LIN54: variants seen among roughly 807,000 people sequenced by gnomAD.
LIN54 encodes the protein lin-54 DREAM MuvB core complex component.
LIN54 carries 9 observed loss-of-function variants against 78.7 expected under a neutral mutation model. That is an observed-to-expected ratio of 0.11 (90% CI 0.07 to 0.20). The LOEUF is 0.20. LIN54 is among the 10% of genes least tolerant of loss of function. The probability of loss-of-function intolerance (pLI) is 1.00; values close to 1 mark genes in which losing one functional copy is unlikely to be tolerated. For missense variants in LIN54, 573 were observed against 889.9 expected, an observed-to-expected ratio of 0.64 and a Z score of 4.53; for synonymous variants, 269 against 318.4, an observed-to-expected ratio of 0.84 and a Z score of 1.65.
chr4:83,005,688 T>G (rs1010063010), intron 1 of LIN54, among the ~76,000 whole-genome samples: 2 of 151,390 alleles, frequency 1.3e-5, no homozygotes, highest in African/African-American at 4.9e-5. Flanking sequence ...ACGTATACAC[T>G]GTTGGTGAAA....
intron 4 of LIN54, among the ~76,000 whole-genome samples, chr4:82,969,822 A>G (rs6535419): frequency 0.36 from 54,206 of 152,140 alleles, 11,521 homozygotes; most frequent in African/African-American, 0.59. Context: ...ACAATAAAAT[A>G]AGAAAGCATT....
At chr4:82,955,604 T>G (rs1468985806) in intron 4 of LIN54, among the ~76,000 whole-genome samples, 1 of 151,966 alleles carries the variant, frequency 6.6e-6, no homozygotes, top group East Asian at 1.9e-4. Flanking sequence ...TGGGGAAATG[T>G]GAACACTAAC....
At chr4:82,973,225 T>G (rs1725832854) in intron 3 of LIN54, among the ~76,000 whole-genome samples, 2 of 152,196 alleles carry the variant, frequency 1.3e-5, no homozygotes, top group African/African-American at 4.8e-5. Context: ...TCTGAAAATT[T>G]GGACGACAGC....
intron 1 of LIN54, among the ~76,000 whole-genome samples, chr4:83,005,258 C>T (rs1440596825): frequency 6.6e-6 from 1 of 152,036 alleles, no homozygotes; most frequent in Non-Finnish European, 1.5e-5. Context: ...AAGTAAATAT[C>T]TTAATAAAAT....
chr4:82,970,683 T>C (rs1725571296), intron 3 of LIN54, among the ~76,000 whole-genome samples: 1 of 152,202 alleles, frequency 6.6e-6, no homozygotes, highest in Non-Finnish European at 1.5e-5. Flanking sequence ...CATTAAACTC[T>C]ACAAAAACAG....
intron 11 of LIN54, among the ~76,000 whole-genome samples, chr4:82,933,828 T>C (rs1722166845): frequency 6.6e-6 from 1 of 152,238 alleles, no homozygotes; most frequent in Non-Finnish European, 1.5e-5. Flanking sequence ...CCAGTTCAAT[T>C]AAATGGTTAG....
chr4:82,970,587 C>T (rs1725562806), intron 3 of LIN54, 118 bp from the exon 4 acceptor site: 3 of 920,362 alleles, frequency 3.3e-6, no homozygotes, highest in Non-Finnish European at 4.9e-6. Context: ...TTCATGTCAA[C>T]ACTTAATGAG....
rs538588775 is a variant in LIN54 at position 82,981,961 on chromosome 4, G to A, written c.684+2200C>T. Among the ~76,000 whole-genome samples, 13 of 152,182 alleles carry A rather than the reference G, an allele frequency of 8.5e-5. No homozygotes were observed. The South Asian group carries it at 2.7e-3, about 32-fold the overall frequency. On this transcript the variant is annotated intron_variant, in intron 2 of 12. Coordinates refer to ENST00000340417, the MANE Select transcript of LIN54 (RefSeq NM_194282.4). ...ACGTGGGAGGAGCATTTGAGCTTGG[G>A]GGGTCAAGGCTGCAGTGGAGCACCC... is the stretch of plus-strand genomic sequence containing the variant.
chr4:82,999,777 C>CA (rs1295987591), intron 1 of LIN54, among the ~76,000 whole-genome samples: 19,492 of 92,120 alleles, frequency 0.21, 2,864 homozygotes, highest in South Asian at 0.37. Context: ...GACTCTGTCT[C>CA]AAAAAAAAAA....
rs144187868 is a variant in LIN54 at position 82,987,394 on chromosome 4, A to G, written c.-32-2518T>C. Among the ~76,000 whole-genome samples the G allele has an allele frequency of 1.3e-4, 20 of 152,308 alleles. No homozygotes were observed. In the East Asian group the frequency reaches 3.7e-3, roughly 28 times the overall value. ...TTTAAAACAGGGAAAAAATAAGTCT[A>G]CTTTTCTAAGAAAAAAACAAAAAAC... On this transcript the variant is annotated intron_variant, in intron 1 of 12. Coordinates refer to ENST00000340417, the MANE Select transcript of LIN54 (RefSeq NM_194282.4).
At position 82,926,647 on chromosome 4, in the gene LIN54, A is replaced by G. The variant is rs1052223712; in HGVS notation, c.*1455T>C. On this transcript the variant is annotated 3_prime_UTR_variant, in exon 13 of 13. Transcript: ENST00000340417. ...CCTGTCACAACAGGCTCTTAAATTC[A>G]TAGAGTTTTTGAATACTGAAAATGA... 2.6e-5 allele frequency: 4 copies of G among 152,198 alleles called. No individual in the cohort carries two copies. Among genetic ancestry groups the G allele is most frequent in the South Asian group, 2.1e-4 (1 of 4,836 alleles). The allele number at this position is 152,198 out of a possible 1,614,324, so 9.4% of individuals were successfully genotyped here. A position where few individuals can be genotyped will look rare whatever the true frequency, so the allele number is the denominator to read the frequency against.
Position 82,928,264 on chromosome 4 carries a change from G to A in LIN54, c.2088C>T (p.Ala696=). 2.5e-6 allele frequency: 4 copies of A among 1,614,168 alleles called. No individual in the cohort carries two copies. Among genetic ancestry groups the A allele is most frequent in the South Asian group, 2.2e-5 (2 of 91,088 alleles). Residue 696 remains alanine (A), a synonymous_variant, in exon 13 of 13, where the codon GCC becomes GCT. Transcript: ENST00000340417. ...FTFVTKEVAE[A]TCNCLLAQAE... The stretch of plus-strand genomic sequence containing the variant: ...CCTGGGCAAGGAGGCAATTACATGT[G>A]GCTTCAGCTACTTCCTTAGTTACAA...
intron 12 of LIN54, among the ~76,000 whole-genome samples, chr4:82,929,798 T>A (rs1721800234): frequency 6.6e-6 from 1 of 152,088 alleles, no homozygotes; most frequent in Non-Finnish European, 1.5e-5. Context: ...AGAGTGAGAC[T>A]CTATCTCAAA....
intron 3 of LIN54, among the ~76,000 whole-genome samples, chr4:82,972,061 T>A (rs1400350766): frequency 1.3e-5 from 2 of 152,150 alleles, no homozygotes; most frequent in Admixed American, 1.3e-4. Flanking sequence ...CCTTTTGTTT[T>A]GTTTTGTTTT....
At chr4:82,997,501 G>C (rs891496519) in intron 1 of LIN54, among the ~76,000 whole-genome samples, 3 of 151,912 alleles carry the variant, frequency 2.0e-5, no homozygotes, top group Non-Finnish European at 4.4e-5. Flanking sequence ...TTGAGGAGGG[G>C]ATTATGGGAA....
intron 1 of LIN54, among the ~76,000 whole-genome samples, chr4:83,002,893 G>A (rs1728989155): frequency 6.6e-6 from 1 of 152,206 alleles, no homozygotes; most frequent in South Asian, 2.1e-4. Flanking sequence ...ATATGCATAT[G>A]TGGATATGAC....
chr4:82,947,235 A>ATATAT, intron 4 of LIN54, among the ~76,000 whole-genome samples: 10 of 44,290 alleles, frequency 2.3e-4, no homozygotes, highest in East Asian at 1.0e-3. Flanking sequence ...ATATATATAT[A>ATATAT]TTTTTTTTTT....
At chr4:82,936,698 A>C (rs1722421230) in intron 9 of LIN54, among the ~76,000 whole-genome samples, 2 of 152,130 alleles carry the variant, frequency 1.3e-5, no homozygotes, top group Non-Finnish European at 2.9e-5. Flanking sequence ...TGTGCCCCCA[A>C]AGTAAGGCAT....
At chr4:82,959,344 A>G (rs1414673846) in intron 4 of LIN54, among the ~76,000 whole-genome samples, 1 of 152,074 alleles carries the variant, frequency 6.6e-6, no homozygotes, top group Non-Finnish European at 1.5e-5. Context: ...AAATTTTTTT[A>G]ATTAGCTGGG....
Sources: allele counts gnomAD v4.1 joint callset (sites outside exome capture counted in the v4.1 genomes callset), GRCh38; gene constraint gnomAD v4.1.1; transcripts MANE v1.5; gene names NCBI Gene and HGNC (gene_info 2026-07-23, HGNC 2026-07-21).